The following TACR3 variants were observed in gnomAD, a reference collection of about 807,000 sequenced individuals.
The protein encoded by TACR3 is neuromedin-K receptor.
TACR3 carries 34 observed loss-of-function variants against 35.0 expected under a neutral mutation model. That is an observed-to-expected ratio of 0.97 (90% CI 0.74 to 1.30). The LOEUF is 1.30. Ranked by LOEUF, TACR3 falls within the 50% of genes most tolerant of loss-of-function variation. The pLI is 0.00. For synonymous variants in TACR3, 233 were observed against 221.1 expected (o/e 1.05, Z -0.48); for missense variants, 558 against 591.7 (o/e 0.94, Z 0.59).
intron 3 of TACR3, among the ~76,000 whole-genome samples, chr4:103,610,792 G>A (rs1355217061): frequency 2.0e-5 from 3 of 152,034 alleles, no homozygotes; most frequent in African/African-American, 7.2e-5. Context: ...TCCATTTTGA[G>A]TTGATTTTTG....
intron 3 of TACR3, among the ~76,000 whole-genome samples, chr4:103,599,768 C>G (rs148447812): frequency 6.8e-4 from 104 of 152,172 alleles, no homozygotes; most frequent in Non-Finnish European, 1.4e-3. Flanking sequence ...TGTTGATTTG[C>G]GTATGTCGAA....
intron 3 of TACR3, among the ~76,000 whole-genome samples, chr4:103,638,466 C>T (rs575823180): frequency 8.6e-5 from 13 of 151,324 alleles, no homozygotes; most frequent in Middle Eastern, 3.4e-3. Context: ...CTTACATGTT[C>T]GACCTAAAAC....
At chr4:103,646,665 C>A (rs998251277) in intron 3 of TACR3, among the ~76,000 whole-genome samples, 1 of 151,756 alleles carries the variant, frequency 6.6e-6, no homozygotes, top group Non-Finnish European at 1.5e-5. Flanking sequence ...TTGTCATTGC[C>A]AAGGATTTTT....
At chr4:103,593,338 T>C (rs776458165) in intron 3 of TACR3, 4 of 152,150 alleles carry the variant, frequency 2.6e-5, no homozygotes, top group Non-Finnish European at 5.9e-5. Flanking sequence ...ATTGAAAATA[T>C]AGTGGTTGAG....
At chr4:103,698,044 T>C (rs2110221200) in intron 1 of TACR3, among the ~76,000 whole-genome samples, 1 of 152,330 alleles carries the variant, frequency 6.6e-6, no homozygotes, top group Admixed American at 6.5e-5. Flanking sequence ...TGTTTGATTC[T>C]GAAATACTAC....
At chr4:103,618,291 A>G (rs970373362) in intron 3 of TACR3, among the ~76,000 whole-genome samples, 2 of 152,188 alleles carry the variant, frequency 1.3e-5, no homozygotes, top group Non-Finnish European at 2.9e-5. Flanking sequence ...AATCTTCTGC[A>G]TATGGCTAGC....
chr4:103,607,506 A>C (rs899544249), intron 3 of TACR3, among the ~76,000 whole-genome samples: 1 of 151,936 alleles, frequency 6.6e-6, no homozygotes, highest in African/African-American at 2.4e-5. Context: ...TTTAAATTAA[A>C]ATAATCTTTA....
intron 1 of TACR3, among the ~76,000 whole-genome samples, chr4:103,687,949 A>G (rs1484351005): frequency 1.3e-5 from 2 of 152,188 alleles, no homozygotes; most frequent in Non-Finnish European, 2.9e-5. Flanking sequence ...AGTCAGTCCT[A>G]AGCCAAAAGA....
At chr4:103,662,529 T>C (rs922738601) in intron 1 of TACR3, among the ~76,000 whole-genome samples, 1 of 151,824 alleles carries the variant, frequency 6.6e-6, no homozygotes, top group Non-Finnish European at 1.5e-5. Context: ...TGATGGTGGG[T>C]TTTTACGGTT....
chr4:103,596,987 A>C (rs1312025369), intron 3 of TACR3, among the ~76,000 whole-genome samples: 1 of 151,650 alleles, frequency 6.6e-6, no homozygotes, highest in Non-Finnish European at 1.5e-5. Flanking sequence ...ACATTTTCTT[A>C]ATCCAGTCTA....
intron 1 of TACR3, among the ~76,000 whole-genome samples, chr4:103,690,662 G>T (rs1479203791): frequency 2.6e-5 from 4 of 152,142 alleles, no homozygotes; most frequent in East Asian, 3.9e-4. Context: ...CAATCTAATA[G>T]CACCAAAATA....
intron 3 of TACR3, among the ~76,000 whole-genome samples, chr4:103,629,866 A>G (rs887364036): frequency 0.017 from 2,369 of 137,360 alleles, 62 homozygotes; most frequent in Non-Finnish European, 0.031. Context: ...AAAAACAAAA[A>G]AAAAACAAAA....
At chr4:103,644,876 G>A (rs1407063422) in intron 3 of TACR3, among the ~76,000 whole-genome samples, 6 of 151,738 alleles carry the variant, frequency 4.0e-5, no homozygotes, top group Non-Finnish European at 7.4e-5. Context: ...TCCTGAAAAT[G>A]TGGAAATGTG....
intron 3 of TACR3, among the ~76,000 whole-genome samples, chr4:103,652,305 T>C (rs562844611): frequency 6.6e-6 from 1 of 152,242 alleles, no homozygotes; most frequent in East Asian, 1.9e-4. Context: ...TAGGGCTGGA[T>C]TAAATATTCC....
chr4:103,612,599 G>T (rs577931941), intron 3 of TACR3, among the ~76,000 whole-genome samples: 9 of 151,852 alleles, frequency 5.9e-5, no homozygotes, highest in South Asian at 4.2e-4. Context: ...TGCAACCTCC[G>T]CCTGGTTCAA....
chr4:103,697,402 GTTTATTTATTTATTTATTTA>G (rs111290581), intron 1 of TACR3, among the ~76,000 whole-genome samples: 1 of 144,874 alleles, frequency 6.9e-6, no homozygotes, highest in Admixed American at 7.0e-5. Flanking sequence ...TTATTTATTT[GTTTATTTATTTATTTATTTA>G]TTTATTTATT....
chr4:103,588,316 A>G lies in TACR3; in HGVS notation c.*1366T>C, dbSNP rs1723817996. The G allele has an allele frequency of 6.6e-6, 1 of 152,142 alleles. No homozygotes were observed. The highest frequency in any genetic ancestry group is 6.6e-5 in the Admixed American group (1 of 15,236). The allele number at this position is 152,142 out of a possible 1,614,324, so 9.4% of individuals were successfully genotyped here. On this transcript the variant is annotated 3_prime_UTR_variant, in exon 5 of 5. Transcript: ENST00000304883. ...TTGTACTACACATTCACATTCTCAA[A>G]AAGTTTCTGCTTTCTTGAGCAGGAT...
intron 3 of TACR3, among the ~76,000 whole-genome samples, chr4:103,629,862 A>AAAAAAAAAAAAAAAAAAAAAC (rs1725011576): frequency 1.8e-5 from 2 of 111,552 alleles, no homozygotes; most frequent in African/African-American, 3.7e-5. Context: ...AAAAAAAAAC[A>AAAAAAAAAAAAAAAAAAAAAC]AAAAAAAAAC....
At chr4:103,590,086 T>C in intron 4 of TACR3, 92 bp from the exon 5 acceptor site, 5 of 1,498,494 alleles carry the variant, frequency 3.3e-6, no homozygotes, top group Non-Finnish European at 4.5e-6. Context: ...AAGGCAGTTA[T>C]AACAACTCAG....
Sources: allele counts gnomAD v4.1 joint callset (sites outside exome capture counted in the v4.1 genomes callset), GRCh38; gene constraint gnomAD v4.1.1; transcripts MANE v1.5; gene names NCBI Gene and HGNC (gene_info 2026-07-23, HGNC 2026-07-21).